Variants in GTF3C3 observed in about 807,000 individuals in gnomAD.
GTF3C3 encodes the protein general transcription factor 3C polypeptide 3.
Under a neutral mutation model 105.2 loss-of-function variants are expected in GTF3C3, and 75 were observed. The ratio of observed to expected loss-of-function variants is 0.71; its 90% CI spans 0.59 to 0.86. The LOEUF is 0.86. Among genes scored for constraint, GTF3C3 ranks in the 40% least tolerant of loss-of-function variants. The pLI is 0.00. For missense variants in GTF3C3, 856 were observed against 1,076.5 expected (o/e 0.80, Z 2.87); for synonymous variants, 335 against 370.4 (o/e 0.90, Z 1.10).
chr2:196,773,546 AT>A, intron 13 of GTF3C3: 3 of 302,128 alleles, frequency 9.9e-6, no homozygotes, highest in Non-Finnish European at 2.0e-5. Flanking sequence ...ATGCAAGGCA[AT>A]TTTTCCATGG....
Position 196,763,659 on chromosome 2 carries a change from C to T in GTF3C3, c.*904G>A, listed in dbSNP as rs981467976. The T allele has an allele frequency of 6.6e-6, 1 of 152,142 alleles. No homozygotes were observed. Among genetic ancestry groups the T allele is most frequent in the Non-Finnish European group, 1.5e-5 (1 of 68,024 alleles). 9.4% of individuals were successfully genotyped at this position (152,142 alleles called of 1,614,324 possible). A position where few individuals can be genotyped will look rare whatever the true frequency, so the allele number is the denominator to read the frequency against. ...CCACAATTGGGCTGGGTGTTACTAA[C>T]CCATGTGCACATTAATTACAGCATT... On this transcript the variant is annotated 3_prime_UTR_variant, in exon 18 of 18. Coordinates refer to ENST00000263956, the MANE Select transcript of GTF3C3 (RefSeq NM_012086.5).
At chr2:196,781,355 A>AAAAAAAAAAAAAAAAT (rs1699351776) in intron 8 of GTF3C3, among the ~76,000 whole-genome samples, 1 of 31,186 alleles carries the variant, frequency 3.2e-5, no homozygotes, top group African/African-American at 8.0e-5. Context: ...AAAAAAAAAA[A>AAAAAAAAAAAAAAAAT]AAATATATAT....
chr2:196,769,559 A>C (rs1325795101), intron 16 of GTF3C3, among the ~76,000 whole-genome samples: 1 of 152,154 alleles, frequency 6.6e-6, no homozygotes, highest in Non-Finnish European at 1.5e-5. Context: ...GCACAATCAT[A>C]TTATTGTATA....
intron 10 of GTF3C3, chr2:196,777,694 A>C (rs1699282371): frequency 6.6e-6 from 1 of 152,202 alleles, no homozygotes; most frequent in Non-Finnish European, 1.5e-5. Flanking sequence ...AAATAACTGA[A>C]TTCCTCTAAT....
chr2:196,785,047 AAG>A (rs1217237371), intron 7 of GTF3C3, 118 bp from the exon 8 acceptor site: 4 of 675,974 alleles, frequency 5.9e-6, no homozygotes, highest in Admixed American at 2.9e-5. Context: ...TATAAAAAGA[AAG>A]AGTCTTTTAA....
At chr2:196,779,210 C>T (rs1170658383) in intron 9 of GTF3C3, 143 bp from the exon 10 acceptor site, 1 of 640,242 alleles carries the variant, frequency 1.6e-6, no homozygotes, top group Non-Finnish European at 2.7e-6. Context: ...TCACTGCAAC[C>T]TCTGCTTGCT....
Position 196,788,612 on chromosome 2 carries a change from C to T in GTF3C3, c.893+592G>A, listed in dbSNP as rs141205970. Among the ~76,000 whole-genome samples the T allele has an allele frequency of 1.9e-3, 286 of 152,284 alleles. 2 individuals are homozygous for T. The highest frequency in any genetic ancestry group is 6.4e-3 in the African/African-American group (266 of 41,548). On this transcript the variant is annotated intron_variant, in intron 6 of 17. Transcript: ENST00000263956. ...TTTTTAATTATTGCAAATATACACA[C>T]TTTTGACTAAGTTTGGAAACCTGAG...
intron 13 of GTF3C3, 43 bp from the exon 14 acceptor site, chr2:196,773,196 C>A: frequency 9.7e-7 from 1 of 1,034,254 alleles, no homozygotes; most frequent in Non-Finnish European, 1.5e-6. Flanking sequence ...ACTGTATTTC[C>A]AGAAATAGCA....
rs1199066932 is a variant in GTF3C3 at position 196,791,398 on chromosome 2, A to T, written c.474T>A (p.Ile158=). Residue 158 remains isoleucine, a synonymous_variant, in exon 4 of 18, where the codon ATT becomes ATA. Coordinates refer to ENST00000263956, the MANE Select transcript of GTF3C3 (RefSeq NM_012086.5). ...ALRGLMGEAN[I]RFARGEREEA... The stretch of plus-strand genomic sequence containing the variant: ...CTTCACGTTCTCCTCGAGCAAAACG[A>T]ATGTTGGCTTCACCCATGAGACCTC... The T allele has an allele frequency of 6.2e-7, 1 of 1,614,010 alleles. No homozygotes were observed. The highest frequency in any genetic ancestry group is 2.2e-5 in the East Asian group (1 of 44,864).
At chr2:196,765,430 T>G (rs1367576747) in intron 17 of GTF3C3, among the ~76,000 whole-genome samples, 1 of 151,984 alleles carries the variant, frequency 6.6e-6, no homozygotes, top group Non-Finnish European at 1.5e-5. Flanking sequence ...ATCTCTTAGG[T>G]GTATTTGAAA....
intron 15 of GTF3C3, 87 bp downstream of exon 15, chr2:196,771,661 A>G: frequency 1.2e-6 from 1 of 852,320 alleles, no homozygotes; most frequent in Non-Finnish European, 1.9e-6. Flanking sequence ...AGTGAGGCTG[A>G]TAATTAACCC....
At chr2:196,793,238 T>A in intron 2 of GTF3C3, 86 bp from the exon 3 acceptor site, 1 of 970,666 alleles carries the variant, frequency 1.0e-6, no homozygotes, top group Non-Finnish European at 1.5e-6. Flanking sequence ...TATAAATTTT[T>A]ACCCCAGTAA....
At position 196,763,943 on chromosome 2, in the gene GTF3C3, A is replaced by G. The variant is rs1287969564; in HGVS notation, c.*620T>C. 1 of 152,220 alleles carries G rather than the reference A, an allele frequency of 6.6e-6. No individual in the cohort carries two copies. The highest frequency in any genetic ancestry group is 6.5e-5 in the Admixed American group (1 of 15,282). The allele number at this position is 152,220 out of a possible 1,614,324, so 9.4% of individuals were successfully genotyped here. On this transcript the variant is annotated 3_prime_UTR_variant, in exon 18 of 18. Coordinates refer to ENST00000263956, the MANE Select transcript of GTF3C3 (RefSeq NM_012086.5). ...TCTATTTTTTCATCAGAAAGCCACAAATATAGATAAAGCATTTTTTTATTT... is the reference window on the plus strand; with the variant it reads ...TCTATTTTTTCATCAGAAAGCCACAGATATAGATAAAGCATTTTTTTATTT...
intron 2 of GTF3C3, among the ~76,000 whole-genome samples, chr2:196,795,912 G>A (rs1403475428): frequency 6.6e-6 from 1 of 152,106 alleles, no homozygotes; most frequent in Non-Finnish European, 1.5e-5. Context: ...CAAACTATAA[G>A]AATAATTTAG....
chr2:196,785,694 G>C, intron 6 of GTF3C3, 106 bp from the exon 7 acceptor site: 1 of 666,748 alleles, frequency 1.5e-6, no homozygotes, highest in Middle Eastern at 4.3e-4. Flanking sequence ...CATTTTCTTA[G>C]AATTTGAGAG....
At chr2:196,774,970 GTT>G (rs1192698269) in intron 13 of GTF3C3, 144 bp downstream of exon 13, 14 of 534,074 alleles carry the variant, frequency 2.6e-5, no homozygotes, top group Non-Finnish European at 4.5e-5. Context: ...CATCGAATGA[GTT>G]TATTACACTT....
chr2:196,769,811 G>C (rs1172409142), intron 16 of GTF3C3, 104 bp downstream of exon 16: 3 of 897,704 alleles, frequency 3.3e-6, no homozygotes, highest in Admixed American at 2.3e-5. Flanking sequence ...TGTGTACTGA[G>C]AGCATTGTGT....
Position 196,799,494 on chromosome 2 carries a change from C to T in GTF3C3, c.102+16G>A, listed in dbSNP as rs1031413874. The T allele has an allele frequency of 6.3e-7, 1 of 1,596,564 alleles. No individual in the cohort carries two copies. The highest frequency in any genetic ancestry group is 8.6e-7 in the Non-Finnish European group (1 of 1,163,978). On this transcript the variant is annotated intron_variant, in intron 1 of 17. Transcript: ENST00000263956. ...GCAACAAGAGTGAAGGGCACCGTGG[C>T]CTAGCATCGCCTCACTTTCTTCTCG...
chr2:196,765,711 G>GTAAT (rs922151011), intron 17 of GTF3C3, among the ~76,000 whole-genome samples: 12 of 151,726 alleles, frequency 7.9e-5, no homozygotes, highest in Admixed American at 7.2e-4. Flanking sequence ...AAACTGAACA[G>GTAAT]TAATAGAAAA....
Sources: allele counts gnomAD v4.1 joint callset (sites outside exome capture counted in the v4.1 genomes callset), GRCh38; gene constraint gnomAD v4.1.1; transcripts MANE v1.5; gene names NCBI Gene and HGNC (gene_info 2026-07-23, HGNC 2026-07-21).